The following BMPR1B variants were observed in gnomAD, a reference collection of about 807,000 sequenced individuals.
BMPR1B encodes bone morphogenetic protein receptor type-1B.
BMPR1B carries 12 observed loss-of-function variants against 59.1 expected under a neutral mutation model. The observed-to-expected ratio is 0.20, with a 90% confidence interval of 0.13 to 0.33. The LOEUF (loss-of-function observed/expected upper bound fraction) is 0.33, where lower values mean the gene tolerates loss of function less well. BMPR1B is among the 10% of genes least tolerant of loss of function. The probability of loss-of-function intolerance (pLI) is 1.00; values close to 1 mark genes in which losing one functional copy is unlikely to be tolerated. For synonymous variants in BMPR1B, 237 were observed against 207.3 expected (o/e 1.14, Z -1.23); for missense variants, 550 against 610.9 (o/e 0.90, Z 1.05).
intron 10 of BMPR1B, among the ~76,000 whole-genome samples, chr4:95,147,040 A>G (rs1204855049): frequency 6.6e-6 from 1 of 152,154 alleles, no homozygotes; most frequent in African/African-American, 2.4e-5. Context: ...ATGTTTGCAT[A>G]TGGTAAAGAA....
intron 2 of BMPR1B, among the ~76,000 whole-genome samples, chr4:94,938,741 A>G (rs1729406984): frequency 6.6e-6 from 1 of 152,222 alleles, no homozygotes; most frequent in South Asian, 2.1e-4. Flanking sequence ...TATTTCTTCA[A>G]CAACCCTATA....
chr4:95,013,885 C>T (rs997659219), intron 3 of BMPR1B, among the ~76,000 whole-genome samples: 1 of 152,128 alleles, frequency 6.6e-6, no homozygotes, highest in African/African-American at 2.4e-5. Flanking sequence ...TTTCCTGTAG[C>T]ATCTAACATC....
intron 2 of BMPR1B, among the ~76,000 whole-genome samples, chr4:94,957,248 G>A (rs1405570958): frequency 6.6e-6 from 1 of 151,704 alleles, no homozygotes; most frequent in Non-Finnish European, 1.5e-5. Flanking sequence ...CTTCCATGGC[G>A]GTATATGAGG....
chr4:94,839,437 G>A (rs1029747958), intron 1 of BMPR1B, among the ~76,000 whole-genome samples: 5 of 146,940 alleles, frequency 3.4e-5, no homozygotes, highest in Non-Finnish European at 6.1e-5. Flanking sequence ...TATGAATCTG[G>A]GTGCTCCTGT....
At chr4:94,993,760 C>CAAA (rs34395946) in intron 2 of BMPR1B, among the ~76,000 whole-genome samples, 41 of 68,546 alleles carry the variant, frequency 6.0e-4, no homozygotes, top group Admixed American at 1.3e-3. Context: ...GACTCCATCT[C>CAAA]AAAAAAAAAA....
chr4:95,091,237 T>C (rs1560645759), intron 3 of BMPR1B, among the ~76,000 whole-genome samples: 1 of 152,046 alleles, frequency 6.6e-6, no homozygotes, highest in Non-Finnish European at 1.5e-5. Context: ...TTTTCATTCT[T>C]TTTCCTTTTT....
intron 1 of BMPR1B, among the ~76,000 whole-genome samples, chr4:94,873,150 G>A (rs1021986374): frequency 4.0e-5 from 6 of 151,706 alleles, no homozygotes; most frequent in Admixed American, 6.6e-5. Flanking sequence ...TCTCACCTCC[G>A]GTCCATATGG....
At chr4:94,795,656 G>A (rs915622723) in intron 1 of BMPR1B, among the ~76,000 whole-genome samples, 1 of 152,008 alleles carries the variant, frequency 6.6e-6, no homozygotes, top group Non-Finnish European at 1.5e-5. Flanking sequence ...TAGAGACGGG[G>A]TTTCACCATA....
chr4:94,948,119 G>A (rs1181385653), intron 2 of BMPR1B, among the ~76,000 whole-genome samples: 2 of 152,196 alleles, frequency 1.3e-5, no homozygotes, highest in African/African-American at 4.8e-5. Flanking sequence ...AGGATTTTCT[G>A]ACTCCAAACC....
intron 7 of BMPR1B, among the ~76,000 whole-genome samples, chr4:95,124,538 ATTAAAT>A (rs775360052): frequency 1.5e-4 from 23 of 152,020 alleles, no homozygotes; most frequent in Non-Finnish European, 3.1e-4. Context: ...GTTTTTAAAG[ATTAAAT>A]TTATATTATT....
At chr4:94,778,900 G>T (rs1439781375) in intron 1 of BMPR1B, among the ~76,000 whole-genome samples, 1 of 151,706 alleles carries the variant, frequency 6.6e-6, no homozygotes, top group Non-Finnish European at 1.5e-5. Context: ...GACTTTTAGG[G>T]ATTTTTTTTT....
intron 1 of BMPR1B, among the ~76,000 whole-genome samples, chr4:94,829,296 A>T (rs1275590946): frequency 6.7e-6 from 1 of 149,774 alleles, no homozygotes. Flanking sequence ...TGTTGCTCTT[A>T]GGAAATTCTT....
intron 3 of BMPR1B, among the ~76,000 whole-genome samples, chr4:95,100,551 A>G (rs562455742): frequency 2.6e-5 from 4 of 151,778 alleles, no homozygotes; most frequent in Non-Finnish European, 4.4e-5. Flanking sequence ...ATCTATTCAC[A>G]TGGGCTATAT....
At chr4:94,886,888 T>C (rs183237654) in intron 2 of BMPR1B, among the ~76,000 whole-genome samples, 315 of 152,232 alleles carry the variant, frequency 2.1e-3, no homozygotes, top group Admixed American at 4.8e-3. Flanking sequence ...ATAGGTCAGA[T>C]ATACCTCAAA....
intron 2 of BMPR1B, among the ~76,000 whole-genome samples, chr4:94,962,057 CT>C (rs1267811741): frequency 3.5e-5 from 5 of 144,854 alleles, no homozygotes; most frequent in Admixed American, 6.8e-5. Flanking sequence ...TTCTTTCTTT[CT>C]TTTCTTTCTT....
chr4:94,957,657 A>G (rs1310608815), intron 2 of BMPR1B, among the ~76,000 whole-genome samples: 2 of 152,028 alleles, frequency 1.3e-5, no homozygotes, highest in Non-Finnish European at 1.5e-5. Flanking sequence ...GTGATCATTC[A>G]TTTTTATGTA....
chr4:94,816,124 A>G (rs1388806334), intron 1 of BMPR1B, among the ~76,000 whole-genome samples: 2 of 152,084 alleles, frequency 1.3e-5, no homozygotes, highest in African/African-American at 4.8e-5. Flanking sequence ...ATATCTGAAA[A>G]TGGTTCTGTT....
intron 1 of BMPR1B, among the ~76,000 whole-genome samples, chr4:94,846,416 G>T (rs879882262): frequency 1.3e-5 from 2 of 152,114 alleles, no homozygotes; most frequent in Non-Finnish European, 2.9e-5. Flanking sequence ...GAGTCAATGG[G>T]CTGGGAAAGG....
At chr4:95,139,982 G>A (rs550237280) in intron 10 of BMPR1B, among the ~76,000 whole-genome samples, 12 of 152,154 alleles carry the variant, frequency 7.9e-5, no homozygotes, top group Non-Finnish European at 1.8e-4. Context: ...ACCTAAGTTG[G>A]AAATGCAGAA....
Sources: allele counts gnomAD v4.1 joint callset (sites outside exome capture counted in the v4.1 genomes callset), GRCh38; gene constraint gnomAD v4.1.1; transcripts MANE v1.5; gene names NCBI Gene and HGNC (gene_info 2026-07-23, HGNC 2026-07-21).